EZH2: variants seen among roughly 807,000 people sequenced by gnomAD.
EZH2 encodes histone-lysine N-methyltransferase EZH2.
In EZH2, 18 loss-of-function variants were observed where a neutral mutation model predicts 98.4. That is an observed-to-expected ratio of 0.18 (90% CI 0.13 to 0.27). The LOEUF (loss-of-function observed/expected upper bound fraction) is 0.27, where lower values mean the gene tolerates loss of function less well. Among genes scored for constraint, EZH2 ranks in the 10% least tolerant of loss-of-function variants. EZH2 has a pLI of 1.00. For missense variants in EZH2, 470 were observed against 935.1 expected (o/e 0.50, Z 6.49); for synonymous variants, 338 against 312.3 (o/e 1.08, Z -0.87).
chr7:148,846,838 CTGTGTGTGTGTGTGTGTGTGTGTG>C (rs59597308), intron 2 of EZH2, among the ~76,000 whole-genome samples: 6 of 135,170 alleles, frequency 4.4e-5, no homozygotes, highest in East Asian at 2.2e-4. Context: ...TCTTTGTTGA[CTGTGTGTGTGTGTGTGTGTGTGTG>C]TGTGTGTGTG....
intron 8 of EZH2, 69 bp from the exon 9 acceptor site, chr7:148,819,756 C>A: frequency 6.6e-6 from 9 of 1,356,992 alleles, no homozygotes; most frequent in South Asian, 1.2e-5. Context: ...CTTCCAGTTC[C>A]ACTGGAAAAG....
chr7:148,819,990 T>C (rs1282726098), intron 8 of EZH2, among the ~76,000 whole-genome samples: 1 of 152,250 alleles, frequency 6.6e-6, no homozygotes, highest in Non-Finnish European at 1.5e-5. Context: ...TTTACTTAAA[T>C]TGAATCTTAC....
intron 4 of EZH2, among the ~76,000 whole-genome samples, chr7:148,830,205 A>G (rs1808953353): frequency 6.6e-6 from 1 of 152,218 alleles, no homozygotes; most frequent in African/African-American, 2.4e-5. Context: ...TTTTTAATTG[A>G]GACGAGTGTC....
chr7:148,833,184 C>A (rs932662987), intron 3 of EZH2, among the ~76,000 whole-genome samples: 1 of 152,100 alleles, frequency 6.6e-6, no homozygotes, highest in Non-Finnish European at 1.5e-5. Context: ...TTGGGCCGGG[C>A]GCGGTGGCTC....
At chr7:148,877,947 C>T (rs1820409314) in intron 1 of EZH2, among the ~76,000 whole-genome samples, 1 of 152,072 alleles carries the variant, frequency 6.6e-6, no homozygotes, top group Admixed American at 6.6e-5. Context: ...GTTTGGATCC[C>T]GAATGCAAAT....
chr7:148,854,174 G>C (rs778032005), intron 1 of EZH2, among the ~76,000 whole-genome samples: 1 of 152,146 alleles, frequency 6.6e-6, no homozygotes, highest in Non-Finnish European at 1.5e-5. Context: ...CGGGAGGCGC[G>C]GTGGCTCACG....
chr7:148,855,085 G>A (rs531038723), intron 1 of EZH2, among the ~76,000 whole-genome samples: 2 of 152,240 alleles, frequency 1.3e-5, no homozygotes, highest in Admixed American at 6.5e-5. Flanking sequence ...CATGCACTGG[G>A]CACTAGAATC....
chr7:148,883,440 G>A (rs528594617), intron 1 of EZH2: 1 of 152,500 alleles, frequency 6.6e-6, no homozygotes, highest in East Asian at 1.9e-4. Context: ...AGCTCAGGGG[G>A]ATTTCGGGGT....
chr7:148,877,918 T>A (rs565934774), intron 1 of EZH2, among the ~76,000 whole-genome samples: 2 of 152,178 alleles, frequency 1.3e-5, no homozygotes, highest in African/African-American at 4.8e-5. Flanking sequence ...GTAGATAATA[T>A]GTAGTGAAAC....
intron 17 of EZH2, chr7:148,810,071 C>A: frequency 2.8e-6 from 1 of 360,954 alleles, no homozygotes; most frequent in South Asian, 6.5e-5. Context: ...AGCACAACGT[C>A]CCCTTCACAG....
intron 3 of EZH2, among the ~76,000 whole-genome samples, chr7:148,837,721 G>A (rs1486283584): frequency 6.6e-6 from 1 of 152,150 alleles, no homozygotes; most frequent in Admixed American, 6.6e-5. Flanking sequence ...GAAATGAGTC[G>A]CTCCAACAGG....
At chr7:148,820,335 C>T (rs1476169267) in intron 8 of EZH2, among the ~76,000 whole-genome samples, 2 of 152,156 alleles carry the variant, frequency 1.3e-5, no homozygotes, top group African/African-American at 4.8e-5. Flanking sequence ...TACACTGCTA[C>T]ATGAAAAGAG....
intron 3 of EZH2, among the ~76,000 whole-genome samples, chr7:148,843,683 C>T (rs958978402): frequency 4.0e-5 from 6 of 148,992 alleles, no homozygotes; most frequent in Admixed American, 1.3e-4. Flanking sequence ...GCAAGCTCCG[C>T]CTCCCAGGTT....
At chr7:148,841,154 T>C (rs921145421) in intron 3 of EZH2, among the ~76,000 whole-genome samples, 5 of 152,046 alleles carry the variant, frequency 3.3e-5, no homozygotes, top group Non-Finnish European at 7.4e-5. Flanking sequence ...TATATGATGC[T>C]ATATGAACTC....
chr7:148,861,463 G>T (rs552638927), intron 1 of EZH2, among the ~76,000 whole-genome samples: 26 of 151,524 alleles, frequency 1.7e-4, no homozygotes, highest in Non-Finnish European at 3.2e-4. Context: ...CTGACCTCAG[G>T]TGATCCACCC....
chr7:148,866,685 CATAT>C (rs758153151), intron 1 of EZH2, among the ~76,000 whole-genome samples: 1 of 142,668 alleles, frequency 7.0e-6, no homozygotes, highest in Admixed American at 7.0e-5. Context: ...TACGTATATG[CATAT>C]ATATATACAT....
intron 1 of EZH2, among the ~76,000 whole-genome samples, chr7:148,864,123 C>T (rs185942984): frequency 2.7e-4 from 41 of 152,220 alleles, no homozygotes; most frequent in Non-Finnish European, 1.0e-4. Context: ...TTAACTTGAC[C>T]GTTGCAGCAA....
At chr7:148,846,351 T>G in intron 3 of EZH2, 119 bp downstream of exon 3, 1 of 1,048,522 alleles carries the variant, frequency 9.5e-7, no homozygotes, top group Non-Finnish European at 1.4e-6. Context: ...TAAAAAGAAA[T>G]AGCAATAAAA....
intron 15 of EZH2, among the ~76,000 whole-genome samples, chr7:148,812,566 A>T (rs1305062422): frequency 2.0e-5 from 3 of 152,162 alleles, no homozygotes; most frequent in Non-Finnish European, 4.4e-5. Context: ...TGCAAATGAA[A>T]CCCAACTGGT....
Sources: gnomAD v4.1 joint callset for allele counts (sites outside exome capture counted in the v4.1 genomes callset) on GRCh38, gnomAD v4.1.1 for gene constraint, MANE v1.5 for transcripts, NCBI Gene and HGNC (gene_info 2026-07-23, HGNC 2026-07-21) for gene names.